Variants in PHF3 observed in about 807,000 individuals in gnomAD.
PHF3 encodes PHD finger protein 3.
In PHF3, 41 loss-of-function variants were observed where a neutral mutation model predicts 178.4. The observed-to-expected ratio is 0.23, with a 90% confidence interval of 0.18 to 0.30. The LOEUF is 0.30. Ranked by LOEUF, PHF3 falls within the 10% of genes least tolerant of loss-of-function variation. PHF3 has a pLI of 1.00. For missense variants in PHF3, 2,346 were observed against 2,398.1 expected (o/e 0.98, Z 0.45); for synonymous variants, 842 against 800.5 (o/e 1.05, Z -0.88).
chr6:63,689,775 A>T (rs1194757463), intron 4 of PHF3, among the ~76,000 whole-genome samples: 1 of 152,148 alleles, frequency 6.6e-6, no homozygotes, highest in Non-Finnish European at 1.5e-5. Context: ...AAAATTCCTT[A>T]ATATGTGCTT....
rs770568471 is a variant in PHF3, at chr6:63,713,218, G to T, written c.5630G>T (p.Arg1877Met). 15 of 1,613,992 alleles carry T rather than the reference G, an allele frequency of 9.3e-6. No homozygotes were observed. The Admixed American group carries it at 2.5e-4, about 27-fold the overall frequency. ...RMMGPLSQAS[R>M]YIGPQNFYQV... ...ATGGGTCCTCTCTCACAAGCATCAAGGTATATAGGCCCGCAGAATTTTTAC... is the reference window on the plus strand; with the variant it reads ...ATGGGTCCTCTCTCACAAGCATCAATGTATATAGGCCCGCAGAATTTTTAC... The change falls in exon 16 of 16, where the codon AGG becomes ATG. Residue 1877 changes from arginine (R) to methionine (M), a missense_variant. Around this residue, in one of 8 missense-constraint regions of PHF3, gnomAD observed 839 missense variants for 806.9 expected, o/e 1.04. Coordinates refer to ENST00000262043, the MANE Select transcript of PHF3 (RefSeq NM_001370348.2).
intron 11 of PHF3, 119 bp from the exon 12 acceptor site, chr6:63,705,910 A>G: frequency 2.9e-6 from 2 of 701,500 alleles, no homozygotes; most frequent in Non-Finnish European, 4.6e-6. Flanking sequence ...AACCCCAGGA[A>G]ATGTATGGTT....
chr6:63,646,884 CTTTTT>C, intron 2 of PHF3, 89 bp downstream of exon 2: 2 of 594,592 alleles, frequency 3.4e-6, no homozygotes, highest in Non-Finnish European at 4.2e-6. Context: ...TTCTTTTTTT[CTTTTT>C]TTTTTTTTTA....
chr6:63,720,669 G>A lies in PHF3; in HGVS notation c.*6961G>A, dbSNP rs1425608985. ...TAATTTAATTAGTTCAATGTTTTTTGGTTCCTGAAAAAATACAACATCTTT... is the reference window on the plus strand; with the variant it reads ...TAATTTAATTAGTTCAATGTTTTTTAGTTCCTGAAAAAATACAACATCTTT... On this transcript the variant is annotated 3_prime_UTR_variant, in exon 16 of 16. Coordinates refer to ENST00000262043, the MANE Select transcript of PHF3 (RefSeq NM_001370348.2). 1 of 1,537,944 alleles carries A rather than the reference G, an allele frequency of 6.5e-7. No homozygotes were observed. The highest frequency in any genetic ancestry group is 1.2e-5 in the South Asian group (1 of 81,194).
At chr6:63,692,883 C>T (rs929855506) in intron 5 of PHF3, among the ~76,000 whole-genome samples, 5 of 152,148 alleles carry the variant, frequency 3.3e-5, no homozygotes, top group Admixed American at 2.6e-4. Context: ...CTTATTAAAA[C>T]TTAATTTCTC....
In PHF3 at chr6:63,675,902, C is replaced by T. The variant is rs79961380; in HGVS notation, c.245-4098C>T. Among the ~76,000 whole-genome samples, 933 of 152,276 alleles carry T rather than the reference C, an allele frequency of 6.1e-3. 8 individuals carry two copies. The highest frequency in any genetic ancestry group is 0.021 in the African/African-American group (871 of 41,560). On this transcript the variant is annotated intron_variant, in intron 2 of 15. Coordinates refer to ENST00000262043, the MANE Select transcript of PHF3 (RefSeq NM_001370348.2). ...ATTTACTTACTTCTTAACTCCTTCT[C>T]ATCTGATTCTCTGCTTTGTGTGTCA...
Position 63,721,633 on chromosome 6 carries a change from C to G in PHF3, c.*7925C>G, listed in dbSNP as rs1028137106. On this transcript the variant is annotated 3_prime_UTR_variant, in exon 16 of 16. Coordinates refer to ENST00000262043, the MANE Select transcript of PHF3 (RefSeq NM_001370348.2). ...GCCTTTTCTGTTACATTTATCCCAT[C>G]TAGATCCAGGTAGCCTTCTGCACCA... The G allele has an allele frequency of 6.4e-7, 1 of 1,551,332 alleles. No homozygotes were observed. The highest frequency in any genetic ancestry group is 8.7e-7 in the Non-Finnish European group (1 of 1,146,600).
intron 6 of PHF3, 46 bp from the exon 7 acceptor site, chr6:63,698,175 GAT>G (rs1767314034): frequency 1.4e-6 from 2 of 1,449,098 alleles, no homozygotes; most frequent in Non-Finnish European, 1.9e-6. Context: ...AAAAAGGAAA[GAT>G]ATTTTTAAAA....
chr6:63,636,430 C>T (rs1227306159), intron 1 of PHF3: 2 of 152,330 alleles, frequency 1.3e-5, no homozygotes, highest in South Asian at 2.1e-4. Context: ...ACCACGGCCT[C>T]TCTCCCGACC....
chr6:63,650,091 T>A (rs897385125), intron 2 of PHF3, among the ~76,000 whole-genome samples: 1 of 152,248 alleles, frequency 6.6e-6, no homozygotes, highest in Non-Finnish European at 1.5e-5. Context: ...AAAATAAATG[T>A]TCAGTGGCTG....
At chr6:63,675,227 C>G (rs1436963208) in intron 2 of PHF3, among the ~76,000 whole-genome samples, 2 of 152,058 alleles carry the variant, frequency 1.3e-5, no homozygotes, top group Non-Finnish European at 2.9e-5. Flanking sequence ...TATTCCATTT[C>G]TCAACAGTAG....
chr6:63,646,757 A>G lies in PHF3; in HGVS notation c.206A>G (p.Asp69Gly), dbSNP rs1381626792. 6.4e-7 allele frequency: 1 copy of G among 1,574,112 alleles called. No individual in the cohort carries two copies. The highest frequency in any genetic ancestry group is 8.6e-7 in the Non-Finnish European group (1 of 1,158,918). ...AACCAGTTCTGTTTGCCTGTTTTGG[A>G]TAGCAATGATCCCAATTTCCAGATG... ...ASNQFCLPVL[D>G]SNDPNFQMPC... The change falls in exon 2 of 16, where the codon GAT (aspartate) becomes GGT (glycine). Residue 69 changes from aspartate to glycine, a missense_variant. By Grantham distance (94) the Asp-to-Gly change is moderately conservative (BLOSUM62 -1). Transcript: ENST00000262043.
Position 63,685,678 on chromosome 6 carries a change from T to A in PHF3, c.1956T>A (p.Val652=). The A allele has an allele frequency of 6.2e-7, 1 of 1,614,052 alleles. No individual in the cohort carries two copies. Among genetic ancestry groups the A allele is most frequent in the Non-Finnish European group, 8.5e-7 (1 of 1,180,004 alleles). ...HVKEELEHPG[V]EHFKEEDKLK... The stretch of plus-strand genomic sequence containing the variant: ...AGGAAGAGCTTGAACACCCAGGCGT[T>A]GAGCATTTTAAGGAAGAGGATAAAC... The change falls in exon 4 of 16, where the codon GTT becomes GTA. Residue 652 remains valine (V), a synonymous_variant. Transcript: ENST00000262043.
intron 2 of PHF3, among the ~76,000 whole-genome samples, chr6:63,656,667 A>G (rs1765248149): frequency 6.6e-6 from 1 of 152,156 alleles, no homozygotes; most frequent in Admixed American, 6.5e-5. Context: ...CTCCTTGATT[A>G]GAGCTGTTGT....
In PHF3 at chr6:63,720,518, G is replaced by A. The variant is rs1768330912; in HGVS notation, c.*6810G>A. 8 of 1,057,208 alleles carry A rather than the reference G, an allele frequency of 7.6e-6. No homozygotes were observed. Among genetic ancestry groups the A allele is most frequent in the South Asian group, 3.8e-5 (2 of 52,630 alleles). The allele number at this position is 1,057,208 out of a possible 1,614,324, so 65.5% of individuals were successfully genotyped here. A position where few individuals can be genotyped will look rare whatever the true frequency, so the allele number is the denominator to read the frequency against. On this transcript the variant is annotated 3_prime_UTR_variant, in exon 16 of 16. Transcript: ENST00000262043. ...TAATATAGTAAACAGTTGATTCCCC[G>A]TAAGCAATGTATCAAAGAAATAACT... is the stretch of plus-strand genomic sequence containing the variant.
At position 63,718,561 on chromosome 6, in the gene PHF3, T is replaced by G. The variant is rs753935921; in HGVS notation, c.*4853T>G. ...TTTTGCATATTTCCAATTTCTGACT[T>G]AGGGCTGGATTCTCTTACCTGCCCT... On this transcript the variant is annotated 3_prime_UTR_variant, in exon 16 of 16. Transcript: ENST00000262043. Among the ~76,000 whole-genome samples the G allele has an allele frequency of 2.0e-5, 3 of 152,056 alleles. No individual in the cohort carries two copies. The highest frequency in any genetic ancestry group is 4.8e-5 in the African/African-American group (2 of 41,448).
intron 2 of PHF3, among the ~76,000 whole-genome samples, chr6:63,653,887 GA>G (rs1296992904): frequency 1.3e-5 from 2 of 152,132 alleles, no homozygotes; most frequent in African/African-American, 2.4e-5. Context: ...CTATTGAGAT[GA>G]TCATACTGTT....
chr6:63,659,770 C>G (rs1216986253), intron 2 of PHF3, among the ~76,000 whole-genome samples: 3 of 152,052 alleles, frequency 2.0e-5, no homozygotes, highest in Non-Finnish European at 4.4e-5. Flanking sequence ...TTTTGGTGTT[C>G]AAAAAGTTTT....
At chr6:63,704,902 G>A (rs1767625710) in intron 11 of PHF3, among the ~76,000 whole-genome samples, 2 of 152,196 alleles carry the variant, frequency 1.3e-5, no homozygotes, top group African/African-American at 4.8e-5. Flanking sequence ...AGCAATGAAT[G>A]AGAGTTCCTG....
Sources: allele counts gnomAD v4.1 joint callset (sites outside exome capture counted in the v4.1 genomes callset), GRCh38; gene constraint gnomAD v4.1.1; regional missense constraint gnomAD v4.1.1; transcripts MANE v1.5; gene names NCBI Gene and HGNC (gene_info 2026-07-23, HGNC 2026-07-21).